AFF2: variants seen among roughly 807,000 people sequenced by gnomAD.
The protein encoded by AFF2 is AF4/FMR2 family member 2.
AFF2 carries 14 observed loss-of-function variants against 76.9 expected under a neutral mutation model. The observed-to-expected ratio is 0.18, with a 90% CI of 0.12 to 0.28. The LOEUF is 0.28. Among genes scored for constraint, AFF2 ranks in the 10% least tolerant of loss-of-function variants. The probability of loss-of-function intolerance (pLI) is 1.00; values close to 1 mark genes in which losing one functional copy is unlikely to be tolerated. For synonymous variants in AFF2, 398 were observed against 366.7 expected (o/e 1.09, Z -0.98); for missense variants, 868 against 1,001.1 (o/e 0.87, Z 1.79).
intron 4 of AFF2, among the ~76,000 whole-genome samples, chrX:148,829,744 T>C (rs1368154153): frequency 8.9e-6 from 1 of 112,275 alleles, no homozygotes; most frequent in Non-Finnish European, 1.9e-5. Context: ...CCCTTTTCAC[T>C]GCTCTAGGCA....
intron 5 of AFF2, among the ~76,000 whole-genome samples, chrX:148,838,305 A>G (rs2070553282): frequency 8.9e-6 from 1 of 112,512 alleles, no homozygotes; most frequent in Admixed American, 9.4e-5. Flanking sequence ...TTAAAAATAT[A>G]TATAATGTCT....
At chrX:148,574,273 A>T (rs941757832) in intron 1 of AFF2, among the ~76,000 whole-genome samples, 1 of 111,696 alleles carries the variant, frequency 9.0e-6, no homozygotes, top group Non-Finnish European at 1.9e-5. Flanking sequence ...CTAAAAGCAG[A>T]TTATCTAATA....
Position 148,709,719 on chromosome X carries a change from A to C in AFF2, c.1041+46951A>C, listed in dbSNP as rs1272900933. Among the ~76,000 whole-genome samples, 40 of 112,022 alleles carry C rather than the reference A, an allele frequency of 3.6e-4. 1 individual carries two copies. The highest frequency in any genetic ancestry group is 3.8e-5 in the Non-Finnish European group (2 of 53,204). On this transcript the variant is annotated intron_variant, in intron 3 of 20. Coordinates refer to ENST00000370460, the MANE Select transcript of AFF2 (RefSeq NM_002025.4). ...CATAGTGTGGCACGGTAGAAAGGGT[A>C]GCATACTAGTGGTCAGGAGAACTGG...
intron 3 of AFF2, among the ~76,000 whole-genome samples, chrX:148,743,696 A>G (rs1448071501): frequency 9.0e-6 from 1 of 111,492 alleles, no homozygotes; most frequent in Non-Finnish European, 1.9e-5. Context: ...GACAAAGAAC[A>G]TTGAGGAACT....
chrX:148,807,254 G>A (rs1210904571), intron 3 of AFF2, among the ~76,000 whole-genome samples: 1 of 111,760 alleles, frequency 8.9e-6, no homozygotes, highest in South Asian at 3.8e-4. Flanking sequence ...GCAAGAGTGA[G>A]TCAAATCTTA....
intron 2 of AFF2, among the ~76,000 whole-genome samples, chrX:148,656,561 G>A (rs782155636): frequency 0.011 from 1,076 of 97,248 alleles, 22 homozygotes; most frequent in African/African-American, 0.04. Context: ...GTGCAGTGGC[G>A]GGATCTCGGC....
At chrX:148,741,695 T>C (rs2055357041) in intron 3 of AFF2, among the ~76,000 whole-genome samples, 1 of 111,166 alleles carries the variant, frequency 9.0e-6, no homozygotes, top group Non-Finnish European at 1.9e-5. Flanking sequence ...AAAGTCCAGC[T>C]AAAGAATTCC....
chrX:148,984,683 A>G (rs1022933649), intron 19 of AFF2, among the ~76,000 whole-genome samples: 1 of 112,171 alleles, frequency 8.9e-6, no homozygotes, highest in Non-Finnish European at 1.9e-5. Context: ...AAATAAATAA[A>G]TTAGAGAATA....
At chrX:148,588,269 T>C (rs1603251577) in intron 1 of AFF2, among the ~76,000 whole-genome samples, 1 of 113,147 alleles carries the variant, frequency 8.8e-6, no homozygotes, top group Non-Finnish European at 1.9e-5. Flanking sequence ...CTGTCAAAGT[T>C]ACTCCTTGAA....
intron 4 of AFF2, among the ~76,000 whole-genome samples, chrX:148,815,366 G>A (rs1557272090): frequency 9.0e-6 from 1 of 111,503 alleles, no homozygotes; most frequent in Non-Finnish European, 1.9e-5. Flanking sequence ...CTTTTCTGAA[G>A]CTAATTCAAA....
At chrX:148,723,604 T>C (rs241088) in intron 3 of AFF2, among the ~76,000 whole-genome samples, 30,373 of 111,095 alleles carry the variant, frequency 0.27, 4,458 homozygotes, top group African/African-American at 0.57. Context: ...GAAGCTCAGG[T>C]GAGTTTAGCC....
intron 1 of AFF2, among the ~76,000 whole-genome samples, chrX:148,601,322 G>T (rs1462747940): frequency 8.9e-6 from 1 of 112,112 alleles, no homozygotes; most frequent in Non-Finnish European, 1.9e-5. Context: ...GTACCCCAGC[G>T]AGGGCAAATA....
intron 4 of AFF2, among the ~76,000 whole-genome samples, chrX:148,828,770 A>G (rs1015515383): frequency 1.1e-4 from 12 of 112,042 alleles, no homozygotes; most frequent in Admixed American, 1.0e-3. Context: ...AAAAAGTTGC[A>G]TGAATAGGCC....
chrX:148,973,927 G>C (rs1447359142), intron 16 of AFF2, among the ~76,000 whole-genome samples: 1 of 111,583 alleles, frequency 9.0e-6, no homozygotes, highest in African/African-American at 3.3e-5. Flanking sequence ...CTTTTCAAAG[G>C]TGCAGTTTTA....
chrX:148,802,076 A>G (rs1450757055), intron 3 of AFF2, among the ~76,000 whole-genome samples: 1 of 112,236 alleles, frequency 8.9e-6, no homozygotes, highest in African/African-American at 3.2e-5. Flanking sequence ...TTAAGAATTC[A>G]TTTTTGGCTT....
intron 3 of AFF2, among the ~76,000 whole-genome samples, chrX:148,705,641 T>A (rs1441103509): frequency 8.9e-6 from 1 of 111,876 alleles, no homozygotes; most frequent in East Asian, 2.8e-4. Flanking sequence ...GTCTGTTGAA[T>A]GGAAGGGAAG....
chrX:148,892,520 C>G (rs2071235343), intron 8 of AFF2, among the ~76,000 whole-genome samples: 1 of 111,250 alleles, frequency 9.0e-6, no homozygotes, highest in African/African-American at 3.3e-5. Context: ...TTGAGAATTT[C>G]AAATGAAATA....
intron 3 of AFF2, among the ~76,000 whole-genome samples, chrX:148,760,789 T>C (rs933356396): frequency 3.6e-5 from 4 of 112,387 alleles, no homozygotes; most frequent in Non-Finnish European, 7.5e-5. Context: ...TTTGTCAATA[T>C]AATAAATAGT....
intron 1 of AFF2, among the ~76,000 whole-genome samples, chrX:148,506,166 T>C (rs1458404394): frequency 8.9e-6 from 1 of 111,767 alleles, no homozygotes; most frequent in Non-Finnish European, 1.9e-5. Flanking sequence ...ACACAGGTAC[T>C]CACTCAGTGA....
Sources: gnomAD v4.1 joint callset for allele counts (sites outside exome capture counted in the v4.1 genomes callset) on GRCh38, gnomAD v4.1.1 for gene constraint, MANE v1.5 for transcripts, NCBI Gene and HGNC (gene_info 2026-07-23, HGNC 2026-07-21) for gene names.